The following LINGO2 variants were observed in gnomAD, a reference collection of about 807,000 sequenced individuals.
LINGO2 encodes the protein leucine-rich repeat and immunoglobulin-like domain-containing nogo receptor-interacting protein 2.
A neutral mutation model predicts 30.6 loss-of-function variants in LINGO2; 14 were observed. That is an observed-to-expected ratio of 0.46 (90% CI 0.30 to 0.72). The LOEUF (loss-of-function observed/expected upper bound fraction) is 0.72, where lower values mean the gene tolerates loss of function less well. Ranked by LOEUF, LINGO2 falls within the 30% of genes least tolerant of loss-of-function variation. The pLI is 0.07. For synonymous variants in LINGO2, 317 were observed against 288.5 expected (o/e 1.10, Z -1.00); for missense variants, 729 against 751.7 (o/e 0.97, Z 0.35).
At chr9:28,739,555 A>G in the LINGO2 span, among the ~76,000 whole-genome samples, 1 of 151,900 alleles carries the variant, frequency 6.6e-6, no homozygotes, top group Admixed American at 6.6e-5. Flanking sequence ...AACAAAAGGA[A>G]TAAATTTCTC....
chr9:28,457,815 C>A (rs1824913953), intron 2 of LINGO2, among the ~76,000 whole-genome samples: 3 of 152,128 alleles, frequency 2.0e-5, no homozygotes, highest in African/African-American at 7.2e-5. Context: ...ATGAATTTCA[C>A]ATTAATGGTC....
the LINGO2 span, among the ~76,000 whole-genome samples, chr9:29,153,031 C>T: frequency 6.6e-6 from 1 of 152,034 alleles, no homozygotes; most frequent in Non-Finnish European, 1.5e-5. Flanking sequence ...CTACAGAGTT[C>T]TTGACACTAG....
At chr9:28,739,284 C>G in the LINGO2 span, among the ~76,000 whole-genome samples, 3 of 151,632 alleles carry the variant, frequency 2.0e-5, no homozygotes, top group Admixed American at 1.3e-4. Flanking sequence ...TTAATTTGAG[C>G]TTATTTAATG....
the LINGO2 span, among the ~76,000 whole-genome samples, chr9:28,906,196 T>TTA: frequency 6.6e-6 from 1 of 151,874 alleles, no homozygotes; most frequent in Non-Finnish European, 1.5e-5. Context: ...GAAAGTTCAT[T>TTA]TAGATAGGAG....
At chr9:28,878,340 T>A in the LINGO2 span, among the ~76,000 whole-genome samples, 1 of 152,080 alleles carries the variant, frequency 6.6e-6, no homozygotes, top group East Asian at 1.9e-4. Flanking sequence ...ATTGAGGCAA[T>A]ATTCAATAGC....
At chr9:28,626,009 AC>A (rs1826654230) in intron 1 of LINGO2, among the ~76,000 whole-genome samples, 1 of 141,120 alleles carries the variant, frequency 7.1e-6, no homozygotes, top group African/African-American at 2.8e-5. Context: ...ACAAAACAAA[AC>A]AAAAAAAACT....
the LINGO2 span, among the ~76,000 whole-genome samples, chr9:28,683,738 G>T: frequency 6.6e-6 from 1 of 152,164 alleles, no homozygotes; most frequent in Non-Finnish European, 1.5e-5. Flanking sequence ...GCTTTATCAT[G>T]AAAGTTTGTC....
intron 2 of LINGO2, among the ~76,000 whole-genome samples, chr9:28,399,344 A>G (rs1587614440): frequency 1.3e-5 from 2 of 152,276 alleles, no homozygotes; most frequent in Admixed American, 1.3e-4. Context: ...GTGCACAAAT[A>G]TTTTTGTCAT....
chr9:27,947,589 G>T (rs1036232028), downstream of LINGO2, among the ~76,000 whole-genome samples: 3 of 152,158 alleles, frequency 2.0e-5, no homozygotes, highest in African/African-American at 7.2e-5. Context: ...AAGAAACCCT[G>T]AAGTTGTCTA....
chr9:28,467,175 A>G (rs1246251264), intron 2 of LINGO2, among the ~76,000 whole-genome samples: 3 of 151,738 alleles, frequency 2.0e-5, no homozygotes, highest in Admixed American at 6.6e-5. Flanking sequence ...ACAGGTACCC[A>G]CCACCACGCC....
exon 6 of LINGO2, chr9:27,948,824 A>C: frequency 6.3e-7 from 1 of 1,579,240 alleles, no homozygotes; most frequent in Non-Finnish European, 8.6e-7. Flanking sequence ...ACATTGACAA[A>C]GAGACAGTAA....
At chr9:28,232,316 T>G (rs954658200) in intron 4 of LINGO2, among the ~76,000 whole-genome samples, 2 of 151,094 alleles carry the variant, frequency 1.3e-5, no homozygotes, top group East Asian at 2.0e-4. Context: ...GGAGAATTGC[T>G]TAATTCTTGG....
At chr9:28,965,012 GA>G in the LINGO2 span, among the ~76,000 whole-genome samples, 5 of 151,670 alleles carry the variant, frequency 3.3e-5, no homozygotes, top group African/African-American at 1.2e-4. Context: ...GAAGATAAGA[GA>G]ATAATCTTAT....
chr9:28,036,073 G>C (rs1198219453), intron 4 of LINGO2, among the ~76,000 whole-genome samples: 6 of 152,194 alleles, frequency 3.9e-5, no homozygotes, highest in Non-Finnish European at 8.8e-5. Context: ...AGAATGCCAA[G>C]AAAGTGTTAA....
At chr9:28,048,672 A>C (rs947325631) in intron 4 of LINGO2, among the ~76,000 whole-genome samples, 1 of 150,862 alleles carries the variant, frequency 6.6e-6, no homozygotes, top group African/African-American at 2.4e-5. Context: ...TGCACAGAAC[A>C]CTTATCTACG....
chr9:27,986,384 C>G (rs968364539), intron 5 of LINGO2, among the ~76,000 whole-genome samples: 2 of 151,746 alleles, frequency 1.3e-5, no homozygotes, highest in African/African-American at 2.4e-5. Context: ...CACCTGTGAC[C>G]CGTGGAAGCA....
the LINGO2 span, among the ~76,000 whole-genome samples, chr9:29,030,606 T>A: frequency 6.6e-6 from 1 of 152,172 alleles, no homozygotes; most frequent in East Asian, 1.9e-4. Flanking sequence ...TCAAATTTTC[T>A]CATTTGTTTT....
chr9:28,453,174 C>A (rs1451854669), intron 2 of LINGO2, among the ~76,000 whole-genome samples: 2 of 151,756 alleles, frequency 1.3e-5, no homozygotes, highest in Non-Finnish European at 2.9e-5. Flanking sequence ...TTTCTGTGTT[C>A]CAACCACTAT....
chr9:28,815,211 G>GT, the LINGO2 span, among the ~76,000 whole-genome samples: 1 of 152,176 alleles, frequency 6.6e-6, no homozygotes, highest in Non-Finnish European at 1.5e-5. Context: ...AAATTCAGTT[G>GT]TAAGTGATAG....
Sources: gnomAD v4.1 joint callset for allele counts (sites outside exome capture counted in the v4.1 genomes callset) on GRCh38, gnomAD v4.1.1 for gene constraint, MANE v1.5 for transcripts, NCBI Gene and HGNC (gene_info 2026-07-23, HGNC 2026-07-21) for gene names.